Variants in RBFOX1 observed in about 807,000 individuals in gnomAD.
RBFOX1 encodes RNA binding protein fox-1 homolog 1.
Under a neutral mutation model 57.7 loss-of-function variants are expected in RBFOX1, and 8 were observed. The observed-to-expected ratio is 0.14, with a 90% CI of 0.08 to 0.25. The LOEUF (loss-of-function observed/expected upper bound fraction) is 0.25, where lower values mean the gene tolerates loss of function less well. Among genes scored for constraint, RBFOX1 ranks in the 10% least tolerant of loss-of-function variants. The pLI, the probability that RBFOX1 is intolerant of heterozygous loss-of-function variation, is 1.00. For missense variants in RBFOX1, 611 were observed against 548.5 expected (o/e 1.11, Z -1.14); for synonymous variants, 326 against 222.4 (o/e 1.47, Z -4.15).
intron 1 of RBFOX1, among the ~76,000 whole-genome samples, chr16:6,127,661 T>C (rs1242019881): frequency 6.6e-6 from 1 of 152,184 alleles, no homozygotes; most frequent in Admixed American, 6.5e-5. Flanking sequence ...CAAGGACAGT[T>C]TATGGCTTTG....
intron 4 of RBFOX1, among the ~76,000 whole-genome samples, chr16:7,155,734 T>TACACACACACACAC (rs1347112963): frequency 3.8e-4 from 31 of 82,456 alleles, no homozygotes; most frequent in African/African-American, 1.2e-3. Context: ...TATATATATA[T>TACACACACACACAC]ATATACACAC....
chr16:5,523,145 G>C (rs907333309), intron 2 of RBFOX1, among the ~76,000 whole-genome samples: 4 of 152,256 alleles, frequency 2.6e-5, no homozygotes, highest in Admixed American at 1.3e-4. Flanking sequence ...AATTAGCTGG[G>C]TTTGGTGGTG....
intron 4 of RBFOX1, among the ~76,000 whole-genome samples, chr16:7,106,994 C>CACACACACACACACACAT (rs1194828513): frequency 6.6e-6 from 1 of 151,764 alleles, no homozygotes; most frequent in African/African-American, 2.4e-5. Context: ...AACACACACA[C>CACACACACACACACACAT]ACACACACAC....
intron 2 of RBFOX1, among the ~76,000 whole-genome samples, chr16:6,512,764 A>T (rs892034344): frequency 2.0e-5 from 3 of 152,306 alleles, no homozygotes; most frequent in African/African-American, 7.2e-5. Flanking sequence ...AGAGTCAGTC[A>T]GCAGGAGCAA....
intron 1 of RBFOX1, among the ~76,000 whole-genome samples, chr16:6,056,543 A>G (rs543710693): frequency 6.6e-6 from 1 of 152,194 alleles, no homozygotes; most frequent in East Asian, 1.9e-4. Flanking sequence ...TTATTTATGC[A>G]TGTAATTGCC....
intron 3 of RBFOX1, among the ~76,000 whole-genome samples, chr16:5,826,294 A>C (rs2056052360): frequency 6.6e-6 from 1 of 152,068 alleles, no homozygotes; most frequent in Non-Finnish European, 1.5e-5. Flanking sequence ...GTGCCCCTCA[A>C]GTGTGAATTG....
chr16:6,441,285 G>T (rs2094374683), intron 2 of RBFOX1, among the ~76,000 whole-genome samples: 2 of 152,138 alleles, frequency 1.3e-5, no homozygotes, highest in Admixed American at 6.5e-5. Flanking sequence ...GAACAAATAG[G>T]ACCCAGACAT....
At chr16:6,181,383 G>C (rs1199804807) in intron 1 of RBFOX1, among the ~76,000 whole-genome samples, 2 of 151,964 alleles carry the variant, frequency 1.3e-5, no homozygotes, top group Non-Finnish European at 2.9e-5. Flanking sequence ...GTCGATTTTT[G>C]GTGAATACTT....
At chr16:6,318,205 C>T (rs1291754779) in intron 2 of RBFOX1, among the ~76,000 whole-genome samples, 1 of 152,166 alleles carries the variant, frequency 6.6e-6, no homozygotes, top group East Asian at 1.9e-4. Context: ...CCCTGATCAG[C>T]TAACGCTTGT....
chr16:7,173,701 T>G (rs1296949906), intron 4 of RBFOX1, among the ~76,000 whole-genome samples: 1 of 152,172 alleles, frequency 6.6e-6, no homozygotes, highest in African/African-American at 2.4e-5. Flanking sequence ...ATTTAGGATG[T>G]TTTTTATTTT....
intron 3 of RBFOX1, among the ~76,000 whole-genome samples, chr16:6,671,829 A>C (rs2098767051): frequency 6.6e-6 from 1 of 152,220 alleles, no homozygotes; most frequent in East Asian, 1.9e-4. Context: ...ATTCCATCGA[A>C]TCAGCGTATC....
At chr16:5,989,780 T>A (rs749102632) in intron 4 of RBFOX1, among the ~76,000 whole-genome samples, 3 of 150,548 alleles carry the variant, frequency 2.0e-5, no homozygotes, top group Non-Finnish European at 4.4e-5. Flanking sequence ...GGCTAAGTCA[T>A]CCAGGTAGAG....
chr16:7,514,803 C>A (rs570926395), intron 4 of RBFOX1, among the ~76,000 whole-genome samples: 1 of 152,206 alleles, frequency 6.6e-6, no homozygotes, highest in Non-Finnish European at 1.5e-5. Flanking sequence ...TCGAAGTCTA[C>A]AAGGAGCCTT....
chr16:7,287,482 G>A (rs2095672769), intron 4 of RBFOX1, among the ~76,000 whole-genome samples: 1 of 152,176 alleles, frequency 6.6e-6, no homozygotes, highest in African/African-American at 2.4e-5. Context: ...GATCCTTGGT[G>A]GACCAAGCCT....
intron 5 of RBFOX1, among the ~76,000 whole-genome samples, chr16:7,542,768 G>A (rs1480894212): frequency 6.6e-6 from 1 of 150,386 alleles, no homozygotes; most frequent in African/African-American, 2.5e-5. Flanking sequence ...TCGGGTGGCT[G>A]AGGCATGAGA....
intron 2 of RBFOX1, among the ~76,000 whole-genome samples, chr16:5,501,373 C>T (rs1049243147): frequency 3.3e-5 from 5 of 150,748 alleles, no homozygotes; most frequent in Admixed American, 6.6e-5. Flanking sequence ...ATCTATTCCC[C>T]AGCCAAGCAG....
chr16:7,660,278 T>C (rs916728948), intron 12 of RBFOX1, among the ~76,000 whole-genome samples: 1 of 152,222 alleles, frequency 6.6e-6, no homozygotes, highest in Non-Finnish European at 1.5e-5. Context: ...CAAAAGCACA[T>C]TGAGTCCCGA....
At chr16:5,773,302 C>G (rs1205425295) in intron 3 of RBFOX1, among the ~76,000 whole-genome samples, 3 of 152,158 alleles carry the variant, frequency 2.0e-5, no homozygotes, top group Non-Finnish European at 4.4e-5. Flanking sequence ...TAGCTCCTTC[C>G]TCAGTGGTAA....
At chr16:6,191,356 G>A (rs1168710080) in intron 1 of RBFOX1, among the ~76,000 whole-genome samples, 1 of 152,096 alleles carries the variant, frequency 6.6e-6, no homozygotes, top group Non-Finnish European at 1.5e-5. Flanking sequence ...GCCAGAGGAA[G>A]GGGAGGGATG....
Sources: allele counts gnomAD v4.1 joint callset (sites outside exome capture counted in the v4.1 genomes callset), GRCh38; gene constraint gnomAD v4.1.1; transcripts MANE v1.5; gene names NCBI Gene and HGNC (gene_info 2026-07-23, HGNC 2026-07-21).